The following DMXL2 variants were observed in gnomAD, a reference collection of about 807,000 sequenced individuals.
DMXL2 encodes the protein Dmx like 2, also known as dmX-like protein 2.
A neutral mutation model predicts 331.1 loss-of-function variants in DMXL2; 103 were observed. The ratio of observed to expected loss-of-function variants is 0.31; its 90% CI spans 0.27 to 0.37. DMXL2 has a LOEUF of 0.37. Among genes scored for constraint, DMXL2 ranks in the 10% least tolerant of loss-of-function variants. The pLI, the probability that DMXL2 is intolerant of heterozygous loss-of-function variation, is 1.00. For synonymous variants in DMXL2, 1,281 were observed against 1,252.1 expected (o/e 1.02, Z -0.49); for missense variants, 3,171 against 3,642.9 (o/e 0.87, Z 3.33).
chr15:51,554,354 G>C (rs1361758810), intron 6 of DMXL2, among the ~76,000 whole-genome samples: 1 of 152,182 alleles, frequency 6.6e-6, no homozygotes, highest in Admixed American at 6.5e-5. Flanking sequence ...CAAATTTTAG[G>C]AGTAATGGGG....
chr15:51,526,011 G>C (rs2047651511), intron 13 of DMXL2, among the ~76,000 whole-genome samples: 1 of 151,788 alleles, frequency 6.6e-6, no homozygotes, highest in Non-Finnish European at 1.5e-5. Context: ...TGCTGTGCTG[G>C]CTTCAGGTGT....
chr15:51,476,911 GTAAC>G (rs1438392440), intron 26 of DMXL2, among the ~76,000 whole-genome samples, 192 bp from the exon 27 acceptor site: 1 of 151,932 alleles, frequency 6.6e-6, no homozygotes, highest in Admixed American at 6.6e-5. Context: ...TTTAAACAAA[GTAAC>G]AAATTTTATT....
At chr15:51,529,380 GAA>G (rs2047871423) in intron 13 of DMXL2, among the ~76,000 whole-genome samples, 4 of 151,872 alleles carry the variant, frequency 2.6e-5, no homozygotes, top group Admixed American at 6.6e-5. Flanking sequence ...GAAAAAGAAA[GAA>G]AAGACCCAAA....
At chr15:51,616,744 C>A (rs1010105055) in intron 1 of DMXL2, among the ~76,000 whole-genome samples, 5 of 152,006 alleles carry the variant, frequency 3.3e-5, no homozygotes, top group Admixed American at 2.0e-4. Context: ...TCAAGCCAGC[C>A]TGGCCAACAT....
intron 1 of DMXL2, among the ~76,000 whole-genome samples, chr15:51,599,578 T>C (rs995459525): frequency 1.3e-5 from 2 of 152,222 alleles, no homozygotes; most frequent in Non-Finnish European, 2.9e-5. Flanking sequence ...TATGCATGTA[T>C]ACATACACAC....
At chr15:51,456,635 C>T (rs1763579906) in intron 37 of DMXL2, among the ~76,000 whole-genome samples, 1 of 152,192 alleles carries the variant, frequency 6.6e-6, no homozygotes, top group Admixed American at 6.5e-5. Context: ...GTGCCCCTCC[C>T]TGAGGATATT....
intron 14 of DMXL2, among the ~76,000 whole-genome samples, chr15:51,515,224 A>C (rs1349653815): frequency 2.0e-5 from 3 of 152,166 alleles, no homozygotes; most frequent in Non-Finnish European, 4.4e-5. Context: ...GGCTACTTAG[A>C]ACCTTAACAG....
rs553126162 is a variant in DMXL2, at chr15:51,533,378, T to C, written c.2436+2285A>G. Among the ~76,000 whole-genome samples the C allele has an allele frequency of 3.3e-5, 5 of 152,202 alleles. No individual in the cohort carries two copies. In the East Asian group the frequency reaches 9.6e-4, roughly 29 times the overall value. ...AAGGTAGACTATGAGAGGTTAAAGATGCATATTATAAAACCTTGAGGAACC... is the reference window on the plus strand; with the variant it reads ...AAGGTAGACTATGAGAGGTTAAAGACGCATATTATAAAACCTTGAGGAACC... On this transcript the variant is annotated intron_variant, in intron 13 of 43. Transcript: ENST00000560891.
rs527688572 is a variant in DMXL2, at chr15:51,622,696, T to C, written c.-151A>G. The C allele has an allele frequency of 3.7e-5, 51 of 1,388,532 alleles. 1 individual carries two copies. In the South Asian group the frequency reaches 7.1e-4, roughly 19 times the overall value. 86.0% of individuals were successfully genotyped at this position (1,388,532 alleles called of 1,614,324 possible). A position where few individuals can be genotyped will look rare whatever the true frequency, so the allele number is the denominator to read the frequency against. On this transcript the variant is annotated 5_prime_UTR_variant, in exon 1 of 44. Coordinates refer to ENST00000560891, the MANE Select transcript of DMXL2 (RefSeq NM_001378457.1). ...CTTAACTCCTCGCCCCCCTTTCGCC[T>C]TCCCTCCGCCTCGTCCCTGCCATGG... is the stretch of plus-strand genomic sequence containing the variant.
At chr15:51,538,652 T>C (rs1177610790) in intron 9 of DMXL2, among the ~76,000 whole-genome samples, 200 bp from the exon 10 acceptor site, 1 of 152,150 alleles carries the variant, frequency 6.6e-6, no homozygotes, top group East Asian at 1.9e-4. Context: ...AATTAAACTA[T>C]TAACTTAAAA....
intron 16 of DMXL2, among the ~76,000 whole-genome samples, 185 bp downstream of exon 16, chr15:51,506,949 T>A (rs2046441270): frequency 1.3e-5 from 2 of 152,226 alleles, no homozygotes; most frequent in Admixed American, 1.3e-4. Flanking sequence ...TTAGGCTGGT[T>A]TTTAGAATTA....
chr15:51,563,846 T>G (rs1479669341), intron 5 of DMXL2, among the ~76,000 whole-genome samples: 1 of 152,084 alleles, frequency 6.6e-6, no homozygotes, highest in Non-Finnish European at 1.5e-5. Context: ...CTCTCCATCC[T>G]TACCTCAATC....
chr15:51,456,488 C>T, intron 37 of DMXL2, 119 bp from the exon 38 acceptor site: 2 of 667,030 alleles, frequency 3.0e-6, no homozygotes, highest in Non-Finnish European at 5.0e-6. Context: ...TGAGATAAAG[C>T]CTGTTATGGA....
rs1263797475 is a variant in DMXL2 at position 51,486,112 on chromosome 15, A to G, written c.5443T>C (p.Leu1815=). 1 of 1,613,386 alleles carries G rather than the reference A, an allele frequency of 6.2e-7. No homozygotes were observed. The highest frequency in any genetic ancestry group is 1.3e-5 in the African/African-American group (1 of 74,902). ...TCCTCCTTTGGTGTTTGTTCCAGTA[A>G]TGTGTCCAAGGCTCGGGTGTAATCT... is the stretch of plus-strand genomic sequence containing the variant. ...MKDYTRALDT[L]LEQTPKEDDE... is the part of the protein sequence containing the mutation. Residue 1815 remains leucine (L), a synonymous_variant, in exon 23 of 44, where the codon TTA becomes CTA. Coordinates refer to ENST00000560891, the MANE Select transcript of DMXL2 (RefSeq NM_001378457.1).
chr15:51,455,112 T>C (rs749029726), intron 40 of DMXL2, 39 bp downstream of exon 40: 1 of 1,463,370 alleles, frequency 6.8e-7, no homozygotes. Context: ...GAACAAAGTG[T>C]TGTGTATATG....
chr15:51,495,786 C>T (rs2043131852), intron 18 of DMXL2, among the ~76,000 whole-genome samples: 1 of 151,908 alleles, frequency 6.6e-6, no homozygotes, highest in African/African-American at 2.4e-5. Context: ...AGCACCTAGC[C>T]CAATAACTGA....
Position 51,480,664 on chromosome 15 carries a change from A to G in DMXL2, c.6442T>C (p.Leu2148=). ...CTCAGGAGATCTTGGTTTTTCTGCA[A>G]CCACGACTTTCGTCTTTCTGCATGC... is the stretch of plus-strand genomic sequence containing the variant. ...REHAERRKSW[L]QKNQDLLRVF... The change falls in exon 24 of 44, where the codon TTG becomes CTG. Residue 2148 remains leucine, a synonymous_variant. Transcript: ENST00000560891. 6.2e-7 allele frequency: 1 copy of G among 1,612,960 alleles called. No individual in the cohort carries two copies. The highest frequency in any genetic ancestry group is 8.5e-7 in the Non-Finnish European group (1 of 1,179,080).
intron 2 of DMXL2, among the ~76,000 whole-genome samples, chr15:51,574,609 G>C (rs1198641536): frequency 6.6e-6 from 1 of 152,134 alleles, no homozygotes; most frequent in African/African-American, 2.4e-5. Context: ...GTCAATCAAT[G>C]AATGAATGAT....
intron 29 of DMXL2, among the ~76,000 whole-genome samples, chr15:51,469,789 G>T (rs539420301): frequency 6.6e-6 from 1 of 152,248 alleles, no homozygotes; most frequent in Non-Finnish European, 1.5e-5. Context: ...ACATTTTTAA[G>T]AGTACTTTAT....
Sources: gnomAD v4.1 joint callset for allele counts (sites outside exome capture counted in the v4.1 genomes callset) on GRCh38, gnomAD v4.1.1 for gene constraint, MANE v1.5 for transcripts, NCBI Gene and HGNC (gene_info 2026-07-23, HGNC 2026-07-21) for gene names.